BPHL: variants seen among roughly 807,000 people sequenced by gnomAD.
The protein encoded by BPHL is serine hydrolase BPHL.
A neutral mutation model predicts 31.2 loss-of-function variants in BPHL; 27 were observed. The ratio of observed to expected loss-of-function variants is 0.87; its 90% CI spans 0.64 to 1.19. BPHL has a LOEUF of 1.19. Among genes scored for constraint, BPHL ranks in the 50% most tolerant of loss-of-function variants. The pLI, the probability that BPHL is intolerant of heterozygous loss-of-function variation, is 0.00. For synonymous variants in BPHL, 150 were observed against 146.8 expected (o/e 1.02, Z -0.16); for missense variants, 356 against 375.7 (o/e 0.95, Z 0.43).
intron 4 of BPHL, 109 bp from the exon 5 acceptor site, chr6:3,137,253 G>C: frequency 7.2e-7 from 1 of 1,390,298 alleles, no homozygotes; most frequent in Non-Finnish European, 9.8e-7. Flanking sequence ...ATTCCAGGCA[G>C]ACGAGACAGT....
At position 3,137,345 on chromosome 6, in the gene BPHL, A is replaced by G; in HGVS notation, c.533-17A>G. 6.2e-7 allele frequency: 1 copy of G among 1,610,254 alleles called. No homozygotes were observed. The highest frequency in any genetic ancestry group is 1.1e-5 in the South Asian group (1 of 90,706). ...TATGAAATTAAACCTTTCTTCGCCT[A>G]CACTTCTGTTTTTCAGGCATCCGAG... On this transcript the variant is annotated splice_polypyrimidine_tract_variant and intron_variant, in intron 4 of 6. Coordinates refer to ENST00000380379, the MANE Select transcript of BPHL (RefSeq NM_004332.4).
Position 3,123,782 on chromosome 6 carries a change from A to G in BPHL, c.211+22A>G, listed in dbSNP as rs963339346. 3 of 1,580,898 alleles carry G rather than the reference A, an allele frequency of 1.9e-6. No homozygotes were observed. The African/African-American group carries it at 4.0e-5, about 21-fold the overall frequency. Reference sequence around the variant, plus strand: ...TTAGGTCTGGGTACTTTTTAATGGAATGTTTTTGCATGCTGTAAAATCTAT... The same window carrying G: ...TTAGGTCTGGGTACTTTTTAATGGAGTGTTTTTGCATGCTGTAAAATCTAT... On this transcript the variant is annotated intron_variant, in intron 2 of 6. Transcript: ENST00000380379.
Position 3,140,473 on chromosome 6 carries a change from A to G in BPHL, c.752A>G (p.His251Arg), listed in dbSNP as rs1206377032. ...AAGGATCCTCTGGTCCCACGGTTTC[A>G]TGCCGACTTCATTCATAAGCACGTG... ...GEKDPLVPRF[H>R]ADFIHKHVKG... Residue 251 changes from histidine to arginine, a missense_variant, in exon 6 of 7, where the codon CAT becomes CGT. By Grantham distance (29) the His-to-Arg change is conservative. Transcript: ENST00000380379. This position sits in a 1 kb window ranked among gnomAD's most constrained non-coding sequence, Gnocchi z 5.2. The G allele has an allele frequency of 1.2e-6, 2 of 1,614,028 alleles. No homozygotes were observed. Among genetic ancestry groups the G allele is most frequent in the African/African-American group, 2.7e-5 (2 of 74,894 alleles).
intron 6 of BPHL, among the ~76,000 whole-genome samples, chr6:3,145,209 T>G (rs1762299158): frequency 3.4e-5 from 2 of 58,190 alleles, no homozygotes; most frequent in African/African-American, 7.0e-5. Flanking sequence ...CGGGGTGGAG[T>G]GCTGGTTCGG....
chr6:3,131,842 CCT>C (rs1581469822), intron 4 of BPHL, among the ~76,000 whole-genome samples: 1 of 152,230 alleles, frequency 6.6e-6, no homozygotes, highest in Non-Finnish European at 1.5e-5. Flanking sequence ...CATATTCACC[CCT>C]GACACAGCTC....
At chr6:3,143,814 T>G (rs72843321) in intron 6 of BPHL, among the ~76,000 whole-genome samples, 1,849 of 152,332 alleles carry the variant, frequency 0.012, 20 homozygotes, top group Non-Finnish European at 0.019. Context: ...TCACAGTGCT[T>G]CTGAGGAGGT....
intron 1 of BPHL, among the ~76,000 whole-genome samples, chr6:3,120,858 C>T (rs1328690963): frequency 1.3e-5 from 2 of 152,214 alleles, no homozygotes; most frequent in East Asian, 1.9e-4. Context: ...CTTCTGCTGA[C>T]GCTTGCCACC....
At chr6:3,123,531 C>A in intron 1 of BPHL, 126 bp from the exon 2 acceptor site, 1 of 655,068 alleles carries the variant, frequency 1.5e-6, no homozygotes, top group South Asian at 2.1e-5. Flanking sequence ...TATTGTTAGC[C>A]GTAGTCATCC....
chr6:3,139,468 C>T (rs1017749844), intron 5 of BPHL: 2 of 152,162 alleles, frequency 1.3e-5, no homozygotes, highest in Admixed American at 6.5e-5. Context: ...AGAAGTATTT[C>T]CCTAGTCAGC....
rs1761640933 is a variant in BPHL at position 3,123,758 on chromosome 6, T to G, written c.209T>G (p.Leu70Ter). 6.2e-7 allele frequency: 1 copy of G among 1,609,826 alleles called. No individual in the cohort carries two copies. The highest frequency in any genetic ancestry group is 1.7e-5 in the Admixed American group (1 of 59,640). ...GCAGTCCTGCTACTTCCTGGGATGT[T>G]AGGTCTGGGTACTTTTTAATGGAAT... is the stretch of plus-strand genomic sequence containing the variant. ...DHAVLLLPGM[L>*]GSGETDFGPQ... The change falls in exon 2 of 7, where the codon TTA (leucine) becomes TGA (stop). Residue 70 changes from leucine to a stop codon, truncating the protein, a stop_gained and splice_region_variant. Coordinates refer to ENST00000380379, the MANE Select transcript of BPHL (RefSeq NM_004332.4). LOFTEE classifies it high-confidence loss of function.
intron 4 of BPHL, among the ~76,000 whole-genome samples, chr6:3,129,432 A>T (rs372692320): frequency 1.1e-4 from 16 of 152,372 alleles, no homozygotes; most frequent in African/African-American, 3.6e-4. Context: ...GGCTAAGTAA[A>T]ATCACTATTT....
chr6:3,128,021 G>A (rs1296049544), intron 3 of BPHL, among the ~76,000 whole-genome samples: 1 of 152,024 alleles, frequency 6.6e-6, no homozygotes, highest in Non-Finnish European at 1.5e-5. Context: ...GGGTTTCATC[G>A]CATTAGTCCG....
intron 6 of BPHL, among the ~76,000 whole-genome samples, chr6:3,146,627 G>A (rs1762383580): frequency 7.0e-6 from 1 of 142,972 alleles, no homozygotes; most frequent in African/African-American, 2.7e-5. Flanking sequence ...GTGGAGTGCT[G>A]GTTCGGGTCG....
At chr6:3,132,268 C>T (rs114807034) in intron 4 of BPHL, among the ~76,000 whole-genome samples, 175 of 152,262 alleles carry the variant, frequency 1.1e-3, no homozygotes, top group African/African-American at 3.9e-3. Flanking sequence ...ATGATGTGTG[C>T]GCCATTGGTT....
intron 6 of BPHL, among the ~76,000 whole-genome samples, chr6:3,146,762 GAGTGCTGGTTTGGGTC>G: frequency 2.0e-5 from 3 of 146,784 alleles, no homozygotes; most frequent in East Asian, 2.1e-4. Context: ...GTTTGGGTCA[GAGTGCTGGTTTGGGTC>G]GAGTGCTGGT....
intron 1 of BPHL, chr6:3,119,254 G>A (rs920715120): frequency 4.1e-5 from 63 of 1,526,970 alleles, no homozygotes; most frequent in East Asian, 1.5e-4. Context: ...AAGGGCATAA[G>A]GACAATAATC....
chr6:3,128,600 C>T (rs1261766423), intron 3 of BPHL, among the ~76,000 whole-genome samples: 4 of 152,226 alleles, frequency 2.6e-5, no homozygotes, highest in Admixed American at 2.6e-4. Flanking sequence ...CAGTTCTTCC[C>T]ACAGTTGCTT....
chr6:3,120,493 T>C lies in BPHL; in HGVS notation c.107+1646T>C, dbSNP rs1032659747. On this transcript the variant is annotated intron_variant, in intron 1 of 6. Coordinates refer to ENST00000380379, the MANE Select transcript of BPHL (RefSeq NM_004332.4). ...TGCAGCTGCAAGTTGATATGACATATAATCTGGGAAAACAAGCAGTGGTAT... is the reference window on the plus strand; with the variant it reads ...TGCAGCTGCAAGTTGATATGACATACAATCTGGGAAAACAAGCAGTGGTAT... Among the ~76,000 whole-genome samples, 3 of 152,154 alleles carry C rather than the reference T, an allele frequency of 2.0e-5. No individual in the cohort carries two copies. In the South Asian group the frequency reaches 6.2e-4, roughly 32 times the overall value.
chr6:3,129,300 CTTCTAG>C, intron 4 of BPHL, 102 bp downstream of exon 4: 1 of 1,358,410 alleles, frequency 7.4e-7, no homozygotes, highest in Non-Finnish European at 9.7e-7. Flanking sequence ...ATCTCTCGTG[CTTCTAG>C]TTCTCAACTC....
Sources: allele counts gnomAD v4.1 joint callset (sites outside exome capture counted in the v4.1 genomes callset), GRCh38; gene constraint gnomAD v4.1.1; non-coding constraint Gnocchi (gnomAD v3.1); transcripts MANE v1.5; gene names NCBI Gene and HGNC (gene_info 2026-07-23, HGNC 2026-07-21).